The following NKAIN3 variants were observed in gnomAD, a reference collection of about 807,000 sequenced individuals.
NKAIN3 encodes the protein sodium/potassium-transporting ATPase subunit beta-1-interacting protein 3.
NKAIN3 carries 25 observed loss-of-function variants against 30.2 expected under a neutral mutation model. The ratio of observed to expected loss-of-function variants is 0.83; its 90% CI spans 0.60 to 1.16. NKAIN3 has a LOEUF of 1.16. Among genes scored for constraint, NKAIN3 ranks in the 50% most tolerant of loss-of-function variants. The pLI is 0.00. For missense variants in NKAIN3, 225 were observed against 254.1 expected, an observed-to-expected ratio of 0.89 and a Z score of 0.78; for synonymous variants, 91 against 89.6, an observed-to-expected ratio of 1.02 and a Z score of -0.09.
intron 1 of NKAIN3, among the ~76,000 whole-genome samples, chr8:62,504,371 T>C (rs932250805): frequency 6.6e-6 from 1 of 152,204 alleles, no homozygotes; most frequent in African/African-American, 2.4e-5. Context: ...CCTTAATGCA[T>C]ATGAGATATT....
chr8:62,831,126 G>A (rs978053505), intron 4 of NKAIN3, among the ~76,000 whole-genome samples: 1 of 151,940 alleles, frequency 6.6e-6, no homozygotes, highest in African/African-American at 2.4e-5. Context: ...CCCAATATAA[G>A]ACCTGCTGAC....
At chr8:62,302,538 T>C (rs1296819539) in intron 1 of NKAIN3, among the ~76,000 whole-genome samples, 1 of 152,126 alleles carries the variant, frequency 6.6e-6, no homozygotes, top group African/African-American at 2.4e-5. Context: ...TATACTTTGT[T>C]ATAGTCACAG....
intron 3 of NKAIN3, among the ~76,000 whole-genome samples, chr8:62,711,022 T>C (rs1814699640): frequency 6.6e-6 from 1 of 152,190 alleles, no homozygotes; most frequent in Non-Finnish European, 1.5e-5. Flanking sequence ...TAAAAAATTC[T>C]TGGCTGATAA....
chr8:62,523,129 T>TC (rs538494460), intron 1 of NKAIN3, among the ~76,000 whole-genome samples: 1 of 152,138 alleles, frequency 6.6e-6, no homozygotes, highest in Non-Finnish European at 1.5e-5. Context: ...TTTTTACTGT[T>TC]CCTTTTCTGT....
intron 1 of NKAIN3, among the ~76,000 whole-genome samples, chr8:62,345,506 C>A (rs199516092): frequency 7.2e-5 from 1 of 13,916 alleles, no homozygotes; most frequent in Non-Finnish European, 1.6e-4. Flanking sequence ...CATATATACA[C>A]ATATATACAC....
chr8:62,757,138 A>G (rs1410074862), intron 4 of NKAIN3, among the ~76,000 whole-genome samples: 1 of 152,176 alleles, frequency 6.6e-6, no homozygotes, highest in Non-Finnish European at 1.5e-5. Context: ...CTTAGGGCTT[A>G]TGGAAATATT....
Position 62,918,450 on chromosome 8 carries a change from C to T in NKAIN3, c.472-3C>T. On this transcript the variant is annotated splice_polypyrimidine_tract_variant and splice_region_variant and intron_variant, in intron 4 of 6. Transcript: ENST00000623646. ...TAAGGTACACATTTTTTCCCTTTTG[C>T]AGTTGGTGGGTTTTGTGTATGCCTG... is the stretch of plus-strand genomic sequence containing the variant. 4 of 1,609,956 alleles carry T rather than the reference C, an allele frequency of 2.5e-6. No homozygotes were observed. The highest frequency in any genetic ancestry group is 3.4e-6 in the Non-Finnish European group (4 of 1,176,648).
chr8:62,965,216 A>G (rs1823675573), intron 6 of NKAIN3, 138 bp from the exon 7 acceptor site: 1 of 785,658 alleles, frequency 1.3e-6, no homozygotes, highest in Non-Finnish European at 1.5e-6. Flanking sequence ...CAAGTCTTTA[A>G]CTTTCTTATT....
chr8:62,845,305 A>ATATATATATATATATATATATATG, intron 4 of NKAIN3, among the ~76,000 whole-genome samples: 1 of 140,406 alleles, frequency 7.1e-6, no homozygotes, highest in South Asian at 2.2e-4. Context: ...ATATATATAT[A>ATATATATATATATATATATATATG]TATATATAGT....
Position 62,915,673 on chromosome 8 carries a change from C to T in NKAIN3, c.472-2780C>T, listed in dbSNP as rs149181199. Among the ~76,000 whole-genome samples, 807 of 152,248 alleles carry T rather than the reference C, an allele frequency of 5.3e-3. 2 individuals carry two copies. Among genetic ancestry groups the T allele is most frequent in the Non-Finnish European group, 6.4e-3 (436 of 68,036 alleles). On this transcript the variant is annotated intron_variant, in intron 4 of 6. Coordinates refer to ENST00000623646, the MANE Select transcript of NKAIN3 (RefSeq NM_001304533.3). ...TTGCAGGTATACACATATACACACA[C>T]ACCCCTAAGGGAGAACCCACCAAGA... is the stretch of plus-strand genomic sequence containing the variant.
chr8:62,518,078 G>C (rs1808048120), intron 1 of NKAIN3, among the ~76,000 whole-genome samples: 1 of 152,036 alleles, frequency 6.6e-6, no homozygotes, highest in African/African-American at 2.4e-5. Context: ...ATGCTCATTT[G>C]GGCCAGGCAC....
Position 62,918,528 on chromosome 8 carries a change from C to G in NKAIN3, c.532+15C>G, listed in dbSNP as rs780681764. 16 of 1,585,148 alleles carry G rather than the reference C, an allele frequency of 1.0e-5. No individual in the cohort carries two copies. Among genetic ancestry groups the G allele is most frequent in the Non-Finnish European group, 1.3e-5 (15 of 1,154,250 alleles). ...AGAAGACACATGTAAGTACTGTTTT[C>G]TCTCTCCCTGTGGGTTCCTTTTGAA... is the stretch of plus-strand genomic sequence containing the variant. On this transcript the variant is annotated intron_variant, in intron 5 of 6. Coordinates refer to ENST00000623646, the MANE Select transcript of NKAIN3 (RefSeq NM_001304533.3).
chr8:62,849,242 G>T (rs1269494663), intron 4 of NKAIN3, among the ~76,000 whole-genome samples: 1 of 150,296 alleles, frequency 6.7e-6, no homozygotes, highest in African/African-American at 2.4e-5. Flanking sequence ...AGTGGTACCA[G>T]CTATTTTCTG....
At chr8:62,803,834 T>C (rs1818166230) in intron 4 of NKAIN3, among the ~76,000 whole-genome samples, 1 of 152,120 alleles carries the variant, frequency 6.6e-6, no homozygotes, top group Admixed American at 6.5e-5. Flanking sequence ...AGCTGGTTTT[T>C]TGAAAGGATC....
intron 3 of NKAIN3, among the ~76,000 whole-genome samples, chr8:62,590,550 A>T (rs1810620372): frequency 6.6e-6 from 1 of 151,918 alleles, no homozygotes; most frequent in Non-Finnish European, 1.5e-5. Flanking sequence ...TACAAAAAGT[A>T]TAAGAAAGCT....
chr8:62,684,491 G>A (rs1027510351), intron 3 of NKAIN3, among the ~76,000 whole-genome samples: 1 of 152,142 alleles, frequency 6.6e-6, no homozygotes, highest in Non-Finnish European at 1.5e-5. Context: ...ATATTGGGAC[G>A]AGAAGGATGT....
At chr8:62,833,886 A>G (rs1819275346) in intron 4 of NKAIN3, among the ~76,000 whole-genome samples, 1 of 152,086 alleles carries the variant, frequency 6.6e-6, no homozygotes, top group African/African-American at 2.4e-5. Context: ...AGAAAACTAC[A>G]GGTCAATATT....
intron 4 of NKAIN3, among the ~76,000 whole-genome samples, chr8:62,891,714 T>C (rs565502743): frequency 6.6e-6 from 1 of 152,262 alleles, no homozygotes; most frequent in African/African-American, 2.4e-5. Flanking sequence ...CACATGGTAA[T>C]TTTACTATTT....
chr8:62,865,187 A>G (rs908195313), intron 4 of NKAIN3, among the ~76,000 whole-genome samples: 3 of 152,214 alleles, frequency 2.0e-5, no homozygotes, highest in African/African-American at 7.2e-5. Flanking sequence ...GTGGAGAAGT[A>G]TGGCTGGCCC....
Sources: gnomAD v4.1 joint callset for allele counts (sites outside exome capture counted in the v4.1 genomes callset) on GRCh38, gnomAD v4.1.1 for gene constraint, MANE v1.5 for transcripts, NCBI Gene and HGNC (gene_info 2026-07-23, HGNC 2026-07-21) for gene names.